Variants in MLLT10 observed in about 807,000 individuals in gnomAD.
MLLT10 encodes protein AF-10.
MLLT10 carries 30 observed loss-of-function variants against 129.1 expected under a neutral mutation model. That is an observed-to-expected ratio of 0.23 (90% CI 0.17 to 0.32). The LOEUF is 0.32. Ranked by LOEUF, MLLT10 falls within the 10% of genes least tolerant of loss-of-function variation. The pLI is 1.00. For missense variants in MLLT10, 1,119 were observed against 1,268.3 expected, an observed-to-expected ratio of 0.88 and a Z score of 1.79; for synonymous variants, 490 against 446.4, an observed-to-expected ratio of 1.10 and a Z score of -1.23.
chr10:21,673,300 G>GGGGGGC, intron 10 of MLLT10, 50 bp from the exon 11 acceptor site: 1 of 655,066 alleles, frequency 1.5e-6, no homozygotes, highest in Non-Finnish European at 2.2e-6. Context: ...CAATTTTTCT[G>GGGGGGC]TCCCCCCCAC....
At chr10:21,718,484 T>A (rs1424241281) in intron 14 of MLLT10, among the ~76,000 whole-genome samples, 1 of 152,186 alleles carries the variant, frequency 6.6e-6, no homozygotes, top group Non-Finnish European at 1.5e-5. Context: ...GAAGGATGAT[T>A]TCTTTAGTAG....
chr10:21,616,260 G>T (rs978426019), intron 7 of MLLT10, among the ~76,000 whole-genome samples: 3 of 151,952 alleles, frequency 2.0e-5, no homozygotes, highest in Non-Finnish European at 4.4e-5. Context: ...ATAAAAAAAT[G>T]GATTTTGAAG....
chr10:21,631,704 T>C (rs2131267679), intron 8 of MLLT10, among the ~76,000 whole-genome samples: 1 of 152,154 alleles, frequency 6.6e-6, no homozygotes, highest in Non-Finnish European at 1.5e-5. Context: ...CTACATACTT[T>C]CAAACAACCA....
At chr10:21,555,303 G>A (rs1160122302) in intron 3 of MLLT10, among the ~76,000 whole-genome samples, 1 of 152,012 alleles carries the variant, frequency 6.6e-6, no homozygotes, top group Non-Finnish European at 1.5e-5. Flanking sequence ...GCTCACTGCA[G>A]TCCCCACCTC....
At chr10:21,706,271 TG>T (rs1477461021) in intron 13 of MLLT10, among the ~76,000 whole-genome samples, 2 of 152,230 alleles carry the variant, frequency 1.3e-5, no homozygotes, top group African/African-American at 4.8e-5. Context: ...GTTTACTATG[TG>T]GTAGACAGCA....
chr10:21,602,603 A>G (rs1056658287), intron 5 of MLLT10, among the ~76,000 whole-genome samples: 3 of 152,330 alleles, frequency 2.0e-5, no homozygotes, highest in African/African-American at 7.2e-5. Context: ...TTTTAAGGGA[A>G]TATAAGTAAC....
At chr10:21,702,128 T>C (rs2054990446) in intron 13 of MLLT10, among the ~76,000 whole-genome samples, 1 of 151,754 alleles carries the variant, frequency 6.6e-6, no homozygotes, top group African/African-American at 2.4e-5. Context: ...GATTTCACCA[T>C]GTTGGCCAGG....
At chr10:21,717,677 T>TTCCTCCTCCTCCTCCTCCTCCTCC (rs1218411767) in intron 14 of MLLT10, among the ~76,000 whole-genome samples, 1 of 19,558 alleles carries the variant, frequency 5.1e-5, no homozygotes, top group African/African-American at 2.2e-4. Context: ...CCTCCTCCTC[T>TTCCTCCTCCTCCTCCTCCTCCTCC]TCCTCCTCCT....
chr10:21,710,813 A>G (rs2056008248), intron 13 of MLLT10, among the ~76,000 whole-genome samples: 1 of 152,164 alleles, frequency 6.6e-6, no homozygotes, highest in Admixed American at 6.6e-5. Flanking sequence ...GTTTGCTCAT[A>G]TGTGAAATGG....
At chr10:21,651,316 C>T (rs567242558) in intron 8 of MLLT10, among the ~76,000 whole-genome samples, 3 of 152,180 alleles carry the variant, frequency 2.0e-5, no homozygotes, top group East Asian at 1.9e-4. Context: ...GTGATCCGCC[C>T]GCTTCAGCTT....
rs2039306528 is a variant in MLLT10, at chr10:21,564,615, T to C, written c.241-21679T>C. 2.0e-5 allele frequency: 3 copies of C among 152,066 alleles called. No homozygotes were observed. The South Asian group carries it at 6.2e-4, about 32-fold the overall frequency. 9.4% of individuals were successfully genotyped at this position (152,066 alleles called of 1,614,324 possible). A position where few individuals can be genotyped will look rare whatever the true frequency, so the allele number is the denominator to read the frequency against. Reference sequence around the variant, plus strand: ...ATGTCCTCTGTTCATCAGTTTTGGCTATTTTCTTTTTCTTTTTTTGAGACA... The same window carrying C: ...ATGTCCTCTGTTCATCAGTTTTGGCCATTTTCTTTTTCTTTTTTTGAGACA... On this transcript the variant is annotated intron_variant, in intron 3 of 22. Coordinates refer to ENST00000307729, the MANE Select transcript of MLLT10 (RefSeq NM_001195626.3).
intron 4 of MLLT10, among the ~76,000 whole-genome samples, chr10:21,593,324 C>G (rs1263888402): frequency 1.3e-5 from 2 of 152,062 alleles, no homozygotes; most frequent in Non-Finnish European, 2.9e-5. Context: ...AACTCCTGAT[C>G]TCAAGTGATC....
chr10:21,644,894 G>T (rs2048336355), intron 8 of MLLT10, among the ~76,000 whole-genome samples: 1 of 152,100 alleles, frequency 6.6e-6, no homozygotes, highest in African/African-American at 2.4e-5. Context: ...GCCTCCCAAA[G>T]CACTAGAATT....
chr10:21,547,514 C>T (rs2036286450), intron 3 of MLLT10, among the ~76,000 whole-genome samples: 1 of 150,674 alleles, frequency 6.6e-6, no homozygotes, highest in Admixed American at 6.6e-5. Context: ...GGAATTACTC[C>T]ATCTGTTTTT....
chr10:21,593,815 T>G (rs1376291569), intron 4 of MLLT10, among the ~76,000 whole-genome samples: 1 of 150,486 alleles, frequency 6.6e-6, no homozygotes, highest in Non-Finnish European at 1.5e-5. Context: ...TAATCCCAGC[T>G]ACTTGGGAGG....
intron 7 of MLLT10, 47 bp from the exon 8 acceptor site, chr10:21,617,065 A>G: frequency 1.1e-6 from 1 of 896,336 alleles, no homozygotes; most frequent in South Asian, 3.4e-5. Flanking sequence ...TTTGTTTAAA[A>G]AGTTTTATAT....
At chr10:21,717,827 T>G (rs1371384825) in intron 14 of MLLT10, among the ~76,000 whole-genome samples, 345 of 138,822 alleles carry the variant, frequency 2.5e-3, no homozygotes, top group Non-Finnish European at 4.1e-3. Flanking sequence ...CTTCTCCTCC[T>G]TCTCCTCCTC....
chr10:21,736,729 C>T (rs891628834), intron 21 of MLLT10, among the ~76,000 whole-genome samples: 2 of 152,190 alleles, frequency 1.3e-5, no homozygotes, highest in African/African-American at 4.8e-5. Context: ...GTCATGGACA[C>T]ACTAAGCTTG....
intron 14 of MLLT10, among the ~76,000 whole-genome samples, chr10:21,726,000 G>A (rs923498641): frequency 2.0e-5 from 3 of 151,694 alleles, no homozygotes; most frequent in Admixed American, 1.3e-4. Context: ...ATCTGCCCAC[G>A]TCAGCCTCCC....
Sources: allele counts gnomAD v4.1 joint callset (sites outside exome capture counted in the v4.1 genomes callset), GRCh38; gene constraint gnomAD v4.1.1; transcripts MANE v1.5; gene names NCBI Gene and HGNC (gene_info 2026-07-23, HGNC 2026-07-21).